TNRC18: variants seen among roughly 807,000 people sequenced by gnomAD.
TNRC18 encodes trinucleotide repeat-containing gene 18 protein.
TNRC18 carries 69 observed loss-of-function variants against 226.7 expected under a neutral mutation model. That is an observed-to-expected ratio of 0.30 (90% CI 0.25 to 0.37). The LOEUF is 0.37. TNRC18 is among the 10% of genes least tolerant of loss of function. TNRC18 has a pLI of 1.00. For synonymous variants in TNRC18, 2,449 were observed against 1,927.6 expected, an observed-to-expected ratio of 1.27 and a Z score of -7.09; for missense variants, 4,754 against 4,256.6, an observed-to-expected ratio of 1.12 and a Z score of -3.25.
intron 24 of TNRC18, among the ~76,000 whole-genome samples, chr7:5,316,992 C>G (rs1205853278): frequency 6.6e-6 from 1 of 152,100 alleles, no homozygotes; most frequent in Non-Finnish European, 1.5e-5. Flanking sequence ...CTGAAAGACA[C>G]TGAGCGCAGG....
intron 17 of TNRC18, among the ~76,000 whole-genome samples, chr7:5,347,566 G>T (rs1020933379): frequency 3.9e-5 from 6 of 152,112 alleles, no homozygotes; most frequent in Admixed American, 3.9e-4. Flanking sequence ...TCCGGAGGCA[G>T]AAGCGGGAGG....
chr7:5,359,404 G>A lies in TNRC18; in HGVS notation c.4827C>T (p.Ile1609=). The change falls in exon 15 of 30, where the codon ATC becomes ATT. Residue 1609 remains isoleucine, a synonymous_variant. Transcript: ENST00000430969. Reference sequence around the variant, plus strand: ...GGAAGACTGGGTTACTCACCTGACTGATGAAGTCCGACGAGGCCTCATGTT... The same window carrying A: ...GGAAGACTGGGTTACTCACCTGACTAATGAAGTCCGACGAGGCCTCATGTT... ...WDEHEASSDF[I]SQLKIKKKKM... is the part of the protein sequence containing the mutation. The A allele has an allele frequency of 6.2e-7, 1 of 1,614,032 alleles. No homozygotes were observed. The highest frequency in any genetic ancestry group is 8.5e-7 in the Non-Finnish European group (1 of 1,179,900).
intron 19 of TNRC18, among the ~76,000 whole-genome samples, chr7:5,328,261 G>A (rs1222077545): frequency 2.6e-5 from 4 of 152,060 alleles, no homozygotes; most frequent in East Asian, 1.9e-4. Context: ...GGTGGCTCAC[G>A]CCTGTAATCC....
chr7:5,325,203 G>A lies in TNRC18; in HGVS notation c.6193C>T (p.Pro2065Ser). 6.4e-7 allele frequency: 1 copy of A among 1,554,538 alleles called. No homozygotes were observed. The highest frequency in any genetic ancestry group is 8.7e-7 in the Non-Finnish European group (1 of 1,150,916). ...EAGPGAGLPP[P>S]RAPALPSEAR... ...TCAGAGGGCAAGGCAGGAGCTCGGG[G>A]CGGCGGCAGCCCAGCTCCTGGCCCA... Residue 2065 changes from proline (P) to serine (S), a missense_variant, in exon 20 of 30, where the codon CCC becomes TCC. Transcript: ENST00000430969.
chr7:5,345,616 G>A lies in TNRC18; in HGVS notation c.5665C>T (p.Gln1889Ter). The change falls in exon 18 of 30, where the codon CAG becomes TAG. Residue 1889 changes from glutamine to a stop codon, truncating the protein, a stop_gained. Transcript: ENST00000430969. LOFTEE classifies it high-confidence loss of function. The stretch of plus-strand genomic sequence containing the variant: ...CGGGCCTTCTGCTTGGCCTCCAGCT[G>A]TACCACAGACAGGGATGGACCCACC... The part of the protein sequence containing the change: ...PTVGPSLSVV[Q>*]LEAKQKARKK... The A allele has an allele frequency of 6.4e-7, 1 of 1,553,392 alleles. No individual in the cohort carries two copies. Among genetic ancestry groups the A allele is most frequent in the Non-Finnish European group, 8.7e-7 (1 of 1,148,710 alleles).
rs1415460799 is a variant in TNRC18, at chr7:5,307,960, G to A, written c.*146C>T. The A allele has an allele frequency of 1.0e-5, 7 of 697,184 alleles. No individual in the cohort carries two copies. Among genetic ancestry groups the A allele is most frequent in the African/African-American group, 1.8e-5 (1 of 55,970 alleles). The allele number at this position is 697,184 out of a possible 1,614,324, so 43.2% of individuals were successfully genotyped here. On this transcript the variant is annotated 3_prime_UTR_variant, in exon 30 of 30. Coordinates refer to ENST00000430969, the MANE Select transcript of TNRC18 (RefSeq NM_001080495.3). The stretch of plus-strand genomic sequence containing the variant: ...CGTGCATGCACACACACTCACCCGG[G>A]CATCCACGTGCACACCTGGCCCCAT...
intron 5 of TNRC18, among the ~76,000 whole-genome samples, chr7:5,385,525 A>T (rs1779708146): frequency 6.7e-6 from 1 of 149,602 alleles, no homozygotes; most frequent in African/African-American, 2.5e-5. Flanking sequence ...AAAGAAAAAA[A>T]AATACAAAAT....
intron 2 of TNRC18, among the ~76,000 whole-genome samples, chr7:5,396,964 T>C (rs1345878274): frequency 6.6e-6 from 1 of 152,166 alleles, no homozygotes; most frequent in African/African-American, 2.4e-5. Flanking sequence ...TTGGGGTACA[T>C]GTGGGGAAAC....
chr7:5,315,786 C>T (rs1787789336), intron 25 of TNRC18, among the ~76,000 whole-genome samples, 170 bp downstream of exon 25: 1 of 152,252 alleles, frequency 6.6e-6, no homozygotes, highest in Admixed American at 6.5e-5. Context: ...CTCATGGACC[C>T]AGGACCTAGG....
chr7:5,383,257 G>A (rs1248385580), intron 5 of TNRC18, among the ~76,000 whole-genome samples: 3 of 152,094 alleles, frequency 2.0e-5, no homozygotes, highest in Non-Finnish European at 4.4e-5. Context: ...GACTGCGTGG[G>A]GCTCACAAAT....
intron 19 of TNRC18, among the ~76,000 whole-genome samples, 172 bp downstream of exon 19, chr7:5,332,450 G>A (rs1391943543): frequency 1.3e-5 from 2 of 152,176 alleles, no homozygotes; most frequent in East Asian, 1.9e-4. Flanking sequence ...AAAGGAACAG[G>A]TGCCCAGCTC....
In TNRC18 at chr7:5,330,668, G is replaced by A. The variant is rs557711604; in HGVS notation, c.6147+1954C>T. On this transcript the variant is annotated intron_variant, in intron 19 of 29. Transcript: ENST00000430969. ...TGTCTGGGCCTACTATGTGCTACCT[G>A]GTAGCATTATTATTTTATTTTTGGA... 3.9e-5 allele frequency among the ~76,000 whole-genome samples: 6 copies of A among 151,984 alleles called. No individual in the cohort carries two copies. The South Asian group carries it at 1.2e-3, about 32-fold the overall frequency.
rs1787515901 is a variant in TNRC18, at chr7:5,313,526, C to T, written c.7365G>A (p.Gly2455=). ...GTTTGACAAGCAGCTCGGCCTCCTC[C>T]CCCGGCCTCCGAGGGCCCTTGGCAC... ...ESGAKGPRRP[G]EEAELLVKLD... Residue 2455 remains glycine (G), a synonymous_variant, in exon 27 of 30, where the codon GGG becomes GGA. Coordinates refer to ENST00000430969, the MANE Select transcript of TNRC18 (RefSeq NM_001080495.3). 3.1e-6 allele frequency: 5 copies of T among 1,612,422 alleles called. No individual in the cohort carries two copies. In the East Asian group the frequency reaches 8.9e-5, roughly 29 times the overall value.
At chr7:5,383,433 C>T (rs560402507) in intron 5 of TNRC18, among the ~76,000 whole-genome samples, 9 of 152,180 alleles carry the variant, frequency 5.9e-5, no homozygotes, top group Non-Finnish European at 1.2e-4. Context: ...GTTTATAACG[C>T]ACCCACTATG....
chr7:5,349,011 T>G (rs998497947), intron 17 of TNRC18, among the ~76,000 whole-genome samples: 2 of 152,164 alleles, frequency 1.3e-5, no homozygotes, highest in Non-Finnish European at 2.9e-5. Context: ...GCCAGGGATC[T>G]TCCCTTCTAG....
At chr7:5,404,272 G>C (rs1244200478) in intron 2 of TNRC18, among the ~76,000 whole-genome samples, 9 of 152,104 alleles carry the variant, frequency 5.9e-5, no homozygotes, top group Admixed American at 3.9e-4. Context: ...TCAGGAGGCT[G>C]AGGCCGGAGA....
chr7:5,330,146 G>A (rs985230162), intron 19 of TNRC18, among the ~76,000 whole-genome samples: 23 of 152,112 alleles, frequency 1.5e-4, no homozygotes, highest in African/African-American at 5.6e-4. Flanking sequence ...TGACCAGGCT[G>A]GTCTTGAACT....
At chr7:5,367,937 T>A (rs895528885) in intron 11 of TNRC18, among the ~76,000 whole-genome samples, 1 of 151,580 alleles carries the variant, frequency 6.6e-6, no homozygotes, top group Non-Finnish European at 1.5e-5. Context: ...TTGAAAAATG[T>A]GGCCTTGTTT....
chr7:5,328,612 G>A (rs1056909591), intron 19 of TNRC18, among the ~76,000 whole-genome samples: 18 of 151,798 alleles, frequency 1.2e-4, no homozygotes, highest in Middle Eastern at 3.4e-3. Context: ...GGGTTCGAGC[G>A]ATTCTTCTGC....
Sources: gnomAD v4.1 joint callset for allele counts (sites outside exome capture counted in the v4.1 genomes callset) on GRCh38, gnomAD v4.1.1 for gene constraint, MANE v1.5 for transcripts, NCBI Gene and HGNC (gene_info 2026-07-23, HGNC 2026-07-21) for gene names.